The following ALG12 variants were observed in gnomAD, a reference collection of about 807,000 sequenced individuals.
The protein encoded by ALG12 is dol-P-Man:Man(7)GlcNAc(2)-PP-Dol alpha-1,6-mannosyltransferase.
Under a neutral mutation model 46.0 loss-of-function variants are expected in ALG12, and 36 were observed. The ratio of observed to expected loss-of-function variants is 0.78; its 90% confidence interval spans 0.60 to 1.03. ALG12 has a LOEUF of 1.03. Among genes scored for constraint, ALG12 ranks in the 50% least tolerant of loss-of-function variants. The pLI, the probability that ALG12 is intolerant of heterozygous loss-of-function variation, is 0.00. For missense variants in ALG12, 599 were observed against 633.5 expected (o/e 0.95, Z 0.58); for synonymous variants, 326 against 291.6 (o/e 1.12, Z -1.20).
Position 49,903,500 on chromosome 22 carries a change from A to G in ALG12, c.*338T>C, listed in dbSNP as rs974307793. 3.1e-5 allele frequency: 16 copies of G among 510,786 alleles called. No homozygotes were observed. The highest frequency in any genetic ancestry group is 6.1e-5 in the Non-Finnish European group (16 of 262,942). The allele number at this position is 510,786 out of a possible 1,614,324, so 31.6% of individuals were successfully genotyped here. A position where few individuals can be genotyped will look rare whatever the true frequency, so the allele number is the denominator to read the frequency against. ...CAGGACACACGTGGCCTCCTGGCAGACAGGTGCCTGGGTGAGCCCGCTGCT... is the reference window on the plus strand; with the variant it reads ...CAGGACACACGTGGCCTCCTGGCAGGCAGGTGCCTGGGTGAGCCCGCTGCT... On this transcript the variant is annotated 3_prime_UTR_variant, in exon 10 of 10. Transcript: ENST00000330817.
chr22:49,866,667 C>T, the ALG12 span, among the ~76,000 whole-genome samples: 7 of 152,242 alleles, frequency 4.6e-5, no homozygotes, highest in Admixed American at 3.9e-4. Context: ...GAGCATATTT[C>T]GTTATCTGCA....
chr22:49,896,988 A>G (rs887006604), downstream of ALG12, among the ~76,000 whole-genome samples: 1 of 151,904 alleles, frequency 6.6e-6, no homozygotes, highest in African/African-American at 2.4e-5. Flanking sequence ...AAAAAAAAAC[A>G]ATTCCTCAAT....
chr22:49,862,378 A>G, the ALG12 span, among the ~76,000 whole-genome samples: 1 of 152,276 alleles, frequency 6.6e-6, no homozygotes, highest in Non-Finnish European at 1.5e-5. Context: ...AGCTGGGACT[A>G]CGGGCGTAAG....
At chr22:49,877,062 C>T in the ALG12 span, among the ~76,000 whole-genome samples, 1 of 152,150 alleles carries the variant, frequency 6.6e-6, no homozygotes, top group Admixed American at 6.5e-5. Flanking sequence ...GTCAGATTTA[C>T]CTCAGCCTCA....
the ALG12 span, chr22:49,890,058 A>G: frequency 1.2e-5 from 2 of 166,110 alleles, no homozygotes; most frequent in South Asian, 2.1e-4. Flanking sequence ...AAAAAAATAA[A>G]AACTTTATTT....
chr22:49,897,468 C>G (rs559844818), downstream of ALG12, among the ~76,000 whole-genome samples: 1 of 152,252 alleles, frequency 6.6e-6, no homozygotes, highest in African/African-American at 2.4e-5. Flanking sequence ...CCTGTTGCTC[C>G]ACATCCGCAC....
chr22:49,882,460 T>C, the ALG12 span, among the ~76,000 whole-genome samples: 390 of 152,384 alleles, frequency 2.6e-3, 7 homozygotes, highest in African/African-American at 9.3e-3. Flanking sequence ...GGTTTTATTA[T>C]AGAATATTTA....
chr22:49,865,150 A>G, the ALG12 span, among the ~76,000 whole-genome samples: 140,155 of 152,056 alleles, frequency 0.92, 64,695 homozygotes, highest in African/African-American at 0.98. Flanking sequence ...AGATGGTATA[A>G]CCTGTCACTC....
the ALG12 span, chr22:49,886,328 C>T: frequency 1.9e-6 from 3 of 1,596,260 alleles, no homozygotes; most frequent in African/African-American, 1.3e-5. This position sits in a 1 kb window ranked among gnomAD's most constrained non-coding sequence, Gnocchi z 7.7. Context: ...CAGGACGTCC[C>T]GTCCAAGTGG....
the ALG12 span, among the ~76,000 whole-genome samples, chr22:49,868,785 T>C: frequency 2.0e-5 from 3 of 151,534 alleles, no homozygotes. Context: ...GCCAGGAGGG[T>C]GGGAGCCCAG....
chr22:49,859,328 C>A, the ALG12 span, among the ~76,000 whole-genome samples: 1 of 151,972 alleles, frequency 6.6e-6, no homozygotes. Flanking sequence ...TCAAGGTGGA[C>A]TAGTGGATTT....
Position 49,903,522 on chromosome 22 carries a change from T to C in ALG12, c.*316A>G, listed in dbSNP as rs1464597764. ...CAGACAGGTGCCTGGGTGAGCCCGC[T>C]GCTCCTGATTAGTCATGAATGGCAC... On this transcript the variant is annotated 3_prime_UTR_variant, in exon 10 of 10. Coordinates refer to ENST00000330817, the MANE Select transcript of ALG12 (RefSeq NM_024105.4). The C allele has an allele frequency of 1.8e-6, 1 of 546,948 alleles. No individual in the cohort carries two copies. The highest frequency in any genetic ancestry group is 1.5e-5 in the South Asian group (1 of 65,368). The allele number at this position is 546,948 out of a possible 1,614,324, so 33.9% of individuals were successfully genotyped here.
chr22:49,896,677 C>G (rs2060484511), downstream of ALG12, among the ~76,000 whole-genome samples: 1 of 152,002 alleles, frequency 6.6e-6, no homozygotes, highest in Non-Finnish European at 1.5e-5. Context: ...GGTTTGTTGC[C>G]CAGGCTGGAG....
Position 49,905,617 on chromosome 22 carries a change from T to G in ALG12, c.993-1111A>C, listed in dbSNP as rs2060538112. ...TTTGGCCACATAAAAGCGTGCCCGC[T>G]TCCCTCTCGCCTTCCGCCATAATGG... On this transcript the variant is annotated intron_variant, in intron 7 of 9. Coordinates refer to ENST00000330817, the MANE Select transcript of ALG12 (RefSeq NM_024105.4). The surrounding 1 kb of genome is among the most constrained non-coding windows in gnomAD (Gnocchi z 4.9). Among the ~76,000 whole-genome samples the G allele has an allele frequency of 6.6e-6, 1 of 152,186 alleles. No individual in the cohort carries two copies. The highest frequency in any genetic ancestry group is 2.1e-4 in the South Asian group (1 of 4,834).
chr22:49,896,511 C>T (rs115971991), downstream of ALG12, among the ~76,000 whole-genome samples: 2,958 of 152,346 alleles, frequency 0.019, 83 homozygotes, highest in African/African-American at 0.068. Context: ...TCCTCTCTGG[C>T]GTGGTCCAGC....
intron 1 of ALG12, among the ~76,000 whole-genome samples, chr22:49,915,553 T>A (rs1368024220): frequency 2.6e-5 from 4 of 152,054 alleles, no homozygotes; most frequent in Non-Finnish European, 5.9e-5. Context: ...CGTGACTCCG[T>A]CTCAGAAATA....
the ALG12 span, among the ~76,000 whole-genome samples, chr22:49,862,853 C>G: frequency 1.3e-5 from 2 of 151,938 alleles, no homozygotes; most frequent in Non-Finnish European, 1.5e-5. Context: ...AGGTGCCCAC[C>G]ACCACGCCTG....
downstream of ALG12, among the ~76,000 whole-genome samples, chr22:49,899,558 T>A (rs979344381): frequency 2.0e-5 from 3 of 151,260 alleles, no homozygotes; most frequent in Non-Finnish European, 4.4e-5. Flanking sequence ...CTCGGCTCTG[T>A]GGGGTTGCAA....
chr22:49,881,790 C>A, the ALG12 span, among the ~76,000 whole-genome samples: 7 of 152,312 alleles, frequency 4.6e-5, no homozygotes, highest in Admixed American at 2.6e-4. Flanking sequence ...ACCTCAGCCT[C>A]CCAAGTACTA....
Sources: allele counts gnomAD v4.1 joint callset (sites outside exome capture counted in the v4.1 genomes callset), GRCh38; gene constraint gnomAD v4.1.1; non-coding constraint Gnocchi (gnomAD v3.1); transcripts MANE v1.5; gene names NCBI Gene and HGNC (gene_info 2026-07-23, HGNC 2026-07-21).